ARL3: variants seen among roughly 807,000 people sequenced by gnomAD.
ARL3 encodes the protein ARF like GTPase 3, also known as ADP-ribosylation factor-like protein 3.
Under a neutral mutation model 26.0 loss-of-function variants are expected in ARL3, and 9 were observed. The observed-to-expected ratio is 0.35, with a 90% confidence interval of 0.21 to 0.60. The LOEUF (loss-of-function observed/expected upper bound fraction) is 0.60. ARL3 is among the 20% of genes least tolerant of loss of function. ARL3 has a pLI of 0.78. For synonymous variants in ARL3, 71 were observed against 78.4 expected (o/e 0.91, Z 0.50); for missense variants, 158 against 215.7 (o/e 0.73, Z 1.67).
chr10:102,678,189 G>A (rs975094755), intron 5 of ARL3, among the ~76,000 whole-genome samples: 1 of 152,138 alleles, frequency 6.6e-6, no homozygotes, highest in African/African-American at 2.4e-5. Flanking sequence ...TTGCCAAGAT[G>A]AGGCCGGTGG....
chr10:102,679,360 T>C (rs1210729294), intron 5 of ARL3, among the ~76,000 whole-genome samples: 2 of 152,216 alleles, frequency 1.3e-5, no homozygotes, highest in Admixed American at 6.5e-5. Flanking sequence ...GAACCTAACA[T>C]GATGTCTAGC....
chr10:102,713,930 A>G (rs2064364470), intron 1 of ARL3, among the ~76,000 whole-genome samples: 1 of 152,182 alleles, frequency 6.6e-6, no homozygotes, highest in Non-Finnish European at 1.5e-5. Context: ...TAAGCCTGCT[A>G]GCGAAAGCTG....
chr10:102,714,132 G>A, intron 1 of ARL3, 141 bp downstream of exon 1: 2 of 1,103,144 alleles, frequency 1.8e-6, no homozygotes, highest in Non-Finnish European at 2.4e-6. Context: ...GCCGACCCCC[G>A]AAATCAGTCC....
rs2064121235 is a variant in ARL3 at position 102,674,611 on chromosome 10, C to T, written c.*2283G>A. ...TTCCCTTTCCAGCTTCAAATTCTGT[C>T]TTCTGGTCAGGGGGCAGGAGTGGGC... On this transcript the variant is annotated 3_prime_UTR_variant, in exon 6 of 6. Transcript: ENST00000260746. 1 of 151,954 alleles carries T rather than the reference C, an allele frequency of 6.6e-6. No homozygotes were observed. The highest frequency in any genetic ancestry group is 2.4e-5 in the African/African-American group (1 of 41,336). 9.4% of individuals were successfully genotyped at this position (151,954 alleles called of 1,614,324 possible).
At position 102,685,945 on chromosome 10, in the gene ARL3, A is replaced by C. The variant is rs776696557; in HGVS notation, c.372T>G (p.Phe124Leu). The C allele has an allele frequency of 2.1e-5, 34 of 1,614,092 alleles. 1 individual carries two copies. The Middle Eastern group carries it at 5.3e-3, about 250-fold the overall frequency. Residue 124 changes from phenylalanine to leucine, a missense_variant, in exon 5 of 6, where the codon TTT (phenylalanine) becomes TTG (leucine). By Grantham distance (22) the Phe-to-Leu change is conservative. Transcript: ENST00000260746. ...CTGTGAGCAAATCCTGCTTATTAGC[A>C]AAGATGAGCACTGGCACACAACTTA... is the stretch of plus-strand genomic sequence containing the variant. ...EKLSCVPVLIFANKQDLLTAA... is the reference protein window; with the variant it reads ...EKLSCVPVLILANKQDLLTAA...
rs2064122804 is a variant in ARL3, at chr10:102,674,898, C to T, written c.*1996G>A. 6.6e-6 allele frequency: 1 copy of T among 152,140 alleles called. No individual in the cohort carries two copies. Among genetic ancestry groups the T allele is most frequent in the Admixed American group, 6.5e-5 (1 of 15,280 alleles). 9.4% of individuals were successfully genotyped at this position (152,140 alleles called of 1,614,324 possible). A position where few individuals can be genotyped will look rare whatever the true frequency, so the allele number is the denominator to read the frequency against. On this transcript the variant is annotated 3_prime_UTR_variant, in exon 6 of 6. Coordinates refer to ENST00000260746, the MANE Select transcript of ARL3 (RefSeq NM_004311.4). ...CCTTGGGATGGCTCTTTAAAACAGT[C>T]CCCTAAGTTGGTGGTAAAAGAACAA...
At chr10:102,679,692 GC>G (rs2064145906) in intron 5 of ARL3, among the ~76,000 whole-genome samples, 1 of 152,170 alleles carries the variant, frequency 6.6e-6, no homozygotes, top group Admixed American at 6.5e-5. Context: ...AGTAGCCCCA[GC>G]CAAGCCTCCC....
At chr10:102,698,434 C>T (rs1305859755) in intron 3 of ARL3, among the ~76,000 whole-genome samples, 2 of 152,182 alleles carry the variant, frequency 1.3e-5, no homozygotes, top group Non-Finnish European at 2.9e-5. Context: ...AGTTTATTGC[C>T]TTTCATCATA....
intron 3 of ARL3, among the ~76,000 whole-genome samples, chr10:102,696,723 A>G (rs538791902): frequency 6.6e-6 from 1 of 152,330 alleles, no homozygotes; most frequent in South Asian, 2.1e-4. Flanking sequence ...GGATGATTGC[A>G]TTGTTTCCGG....
chr10:102,684,307 C>G (rs369381165), intron 5 of ARL3, among the ~76,000 whole-genome samples: 1 of 151,890 alleles, frequency 6.6e-6, no homozygotes, highest in African/African-American at 2.4e-5. Context: ...CGCCACCACA[C>G]CCGGCTAATT....
intron 4 of ARL3, among the ~76,000 whole-genome samples, chr10:102,687,515 C>G (rs911595464): frequency 6.6e-6 from 1 of 151,954 alleles, no homozygotes; most frequent in African/African-American, 2.4e-5. Context: ...TGGTGAAACC[C>G]TGTCTCTATT....
At chr10:102,695,285 C>T (rs1279138471) in intron 3 of ARL3, among the ~76,000 whole-genome samples, 1 of 152,076 alleles carries the variant, frequency 6.6e-6, no homozygotes, top group African/African-American at 2.4e-5. Context: ...TCTTTATTTA[C>T]CTAGATCTTC....
chr10:102,695,015 G>A (rs957598252), intron 3 of ARL3, among the ~76,000 whole-genome samples: 2 of 152,180 alleles, frequency 1.3e-5, no homozygotes, highest in African/African-American at 2.4e-5. Context: ...CACTGCGCCC[G>A]GCCTATGCTG....
At chr10:102,705,540 AT>A (rs1478366895) in intron 1 of ARL3, 51 bp from the exon 2 acceptor site, 3 of 1,460,684 alleles carry the variant, frequency 2.1e-6, no homozygotes, top group Non-Finnish European at 2.8e-6. Flanking sequence ...TGACTGTGAT[AT>A]TAACTGGATA....
chr10:102,690,744 T>A (rs933890778), intron 3 of ARL3, among the ~76,000 whole-genome samples: 1 of 152,134 alleles, frequency 6.6e-6, no homozygotes, highest in Non-Finnish European at 1.5e-5. Context: ...AGATACCCTA[T>A]CCCCTCCCTT....
At chr10:102,682,742 T>A (rs1342919333) in intron 5 of ARL3, among the ~76,000 whole-genome samples, 3 of 152,236 alleles carry the variant, frequency 2.0e-5, no homozygotes, top group Non-Finnish European at 4.4e-5. Context: ...ACATGTACGA[T>A]GTATGTGTCT....
chr10:102,710,278 C>T (rs2064331146), intron 1 of ARL3, among the ~76,000 whole-genome samples: 1 of 152,134 alleles, frequency 6.6e-6, no homozygotes, highest in Non-Finnish European at 1.5e-5. Flanking sequence ...TCATATTAAT[C>T]CAACTACTGA....
intron 2 of ARL3, among the ~76,000 whole-genome samples, chr10:102,704,822 G>C (rs2064299948): frequency 6.6e-6 from 1 of 152,126 alleles, no homozygotes; most frequent in Admixed American, 6.5e-5. Flanking sequence ...GGGAAGGTGG[G>C]GCAGAGACGG....
chr10:102,700,939 G>A (rs1378667077), intron 2 of ARL3, among the ~76,000 whole-genome samples: 3 of 151,326 alleles, frequency 2.0e-5, no homozygotes, highest in Non-Finnish European at 2.9e-5. Flanking sequence ...GTTTCTCCAT[G>A]TTGGTCAGGC....
Sources: allele counts gnomAD v4.1 joint callset (sites outside exome capture counted in the v4.1 genomes callset), GRCh38; gene constraint gnomAD v4.1.1; transcripts MANE v1.5; gene names NCBI Gene and HGNC (gene_info 2026-07-23, HGNC 2026-07-21).